OTUD7B: variants seen among roughly 807,000 people sequenced by gnomAD.
OTUD7B encodes the protein OTU deubiquitinase 7B.
Under a neutral mutation model 82.2 loss-of-function variants are expected in OTUD7B, and 34 were observed. The ratio of observed to expected loss-of-function variants is 0.41; its 90% CI spans 0.31 to 0.55. The LOEUF is 0.55. Among genes scored for constraint, OTUD7B ranks in the 20% least tolerant of loss-of-function variants. The probability of loss-of-function intolerance (pLI) is 0.20; values close to 1 mark genes in which losing one functional copy is unlikely to be tolerated. For synonymous variants in OTUD7B, 398 were observed against 402.7 expected (o/e 0.99, Z 0.14); for missense variants, 944 against 1,062.1 (o/e 0.89, Z 1.55).
At chr1:150,056,728 T>A in the OTUD7B span, among the ~76,000 whole-genome samples, 2 of 152,146 alleles carry the variant, frequency 1.3e-5, no homozygotes, top group East Asian at 3.8e-4. Flanking sequence ...TAAATATCCA[T>A]GAGTCTATAA....
chr1:149,992,467 G>GT (rs1166098299), intron 1 of OTUD7B, among the ~76,000 whole-genome samples: 1,044 of 61,530 alleles, frequency 0.017, 310 homozygotes, highest in African/African-American at 0.064. Context: ...GTGTGCATGT[G>GT]TTTTTTTTTT....
At chr1:150,061,864 A>G in the OTUD7B span, among the ~76,000 whole-genome samples, 1 of 152,212 alleles carries the variant, frequency 6.6e-6, no homozygotes, top group South Asian at 2.1e-4. Flanking sequence ...ACTTGATGCA[A>G]TTGCAGAAAT....
intron 1 of OTUD7B, among the ~76,000 whole-genome samples, chr1:149,996,997 A>T (rs1301483648): frequency 6.6e-6 from 1 of 152,210 alleles, no homozygotes; most frequent in African/African-American, 2.4e-5. Context: ...GAAAACATTT[A>T]AAAATGCTTA....
At chr1:149,958,460 TG>T (rs1322514921) in intron 7 of OTUD7B, among the ~76,000 whole-genome samples, 9 of 150,306 alleles carry the variant, frequency 6.0e-5, no homozygotes, top group Admixed American at 1.3e-4. Context: ...CTCGAGTAGC[TG>T]GGATTACAGC....
chr1:150,051,480 C>T, the OTUD7B span, among the ~76,000 whole-genome samples: 25 of 151,888 alleles, frequency 1.6e-4, no homozygotes, highest in Non-Finnish European at 2.8e-4. Flanking sequence ...TAATAAATGA[C>T]ATGTTATTTA....
chr1:150,039,924 T>G, the OTUD7B span, among the ~76,000 whole-genome samples: 2 of 152,252 alleles, frequency 1.3e-5, no homozygotes. Flanking sequence ...TTACCTCTAT[T>G]GCCTGTGTAT....
chr1:150,040,909 C>T, the OTUD7B span, among the ~76,000 whole-genome samples: 1 of 151,976 alleles, frequency 6.6e-6, no homozygotes, highest in Non-Finnish European at 1.5e-5. Context: ...AGGGTTTCGC[C>T]ATGTTGACCA....
chr1:149,971,623 G>A (rs1649945600), intron 2 of OTUD7B, among the ~76,000 whole-genome samples: 1 of 152,062 alleles, frequency 6.6e-6, no homozygotes, highest in Non-Finnish European at 1.5e-5. Context: ...TCAGGCCCAG[G>A]TCTCCTAATT....
chr1:150,029,940 G>T, the OTUD7B span, among the ~76,000 whole-genome samples: 1 of 152,028 alleles, frequency 6.6e-6, no homozygotes, highest in African/African-American at 2.4e-5. Flanking sequence ...AGTCTATCTA[G>T]AAGAGCCCAG....
the OTUD7B span, among the ~76,000 whole-genome samples, chr1:150,037,993 T>C: frequency 1.3e-5 from 2 of 151,712 alleles, no homozygotes; most frequent in African/African-American, 4.8e-5. Context: ...TCCCAAGTAG[T>C]TGGGACTACA....
chr1:149,960,919 CCTT>C (rs1649107037), intron 6 of OTUD7B: 2 of 116,388 alleles, frequency 1.7e-5, no homozygotes, highest in Admixed American at 2.4e-4. Flanking sequence ...CACCTGGATA[CCTT>C]CTTTTTTTTT....
At position 149,990,991 on chromosome 1, in the gene OTUD7B, C is replaced by CAAA. The variant is rs782744105; in HGVS notation, c.-66-13418_-66-13416dup. On this transcript the variant is annotated intron_variant, in intron 1 of 11. Transcript: ENST00000581312. ...GGGCAACAAGAGCGAAACTCCGTCG[C>CAAA]AAAAAAAAAAAAGTTTACAAAGCTT... 2.0e-5 allele frequency among the ~76,000 whole-genome samples: 3 copies of CAAA among 146,618 alleles called. No homozygotes were observed. In the Admixed American group the frequency reaches 2.1e-4, roughly 10 times the overall value.
chr1:149,955,022 G>A (rs1263171186), intron 7 of OTUD7B, among the ~76,000 whole-genome samples: 1 of 152,108 alleles, frequency 6.6e-6, no homozygotes, highest in Non-Finnish European at 1.5e-5. Flanking sequence ...TTTTTGAAGG[G>A]TTTTTTGTGT....
intron 3 of OTUD7B, among the ~76,000 whole-genome samples, chr1:149,970,670 T>C (rs1337957372): frequency 1.3e-5 from 2 of 152,180 alleles, no homozygotes; most frequent in African/African-American, 4.8e-5. Context: ...ATATGATAAA[T>C]TGCTAGATAT....
chr1:150,052,834 A>AAC, the OTUD7B span, among the ~76,000 whole-genome samples: 14 of 151,476 alleles, frequency 9.2e-5, 1 homozygote, highest in South Asian at 2.5e-3. Context: ...AAAAAAAAAA[A>AAC]CAGGCACATA....
chr1:149,982,148 C>CTAAATAAATAAA (rs587666436), intron 1 of OTUD7B, among the ~76,000 whole-genome samples: 70 of 150,872 alleles, frequency 4.6e-4, no homozygotes, highest in African/African-American at 1.6e-3. Context: ...GACTCCATCT[C>CTAAATAAATAAA]TAAATAAATA....
At chr1:149,997,286 A>G (rs1406843086) in intron 1 of OTUD7B, among the ~76,000 whole-genome samples, 1 of 152,254 alleles carries the variant, frequency 6.6e-6, no homozygotes, top group African/African-American at 2.4e-5. Flanking sequence ...GCAAATACAA[A>G]AGATCTAAGG....
chr1:150,017,676 G>A, the OTUD7B span, among the ~76,000 whole-genome samples: 4 of 152,210 alleles, frequency 2.6e-5, no homozygotes, highest in Admixed American at 2.6e-4. Context: ...CACTAGGAGG[G>A]AGGCCAAACT....
chr1:150,063,167 C>G, the OTUD7B span, among the ~76,000 whole-genome samples: 3 of 152,056 alleles, frequency 2.0e-5, no homozygotes, highest in African/African-American at 4.8e-5. Context: ...AGAAATGGTT[C>G]TAGGCTAGGC....
Sources: allele counts gnomAD v4.1 joint callset (sites outside exome capture counted in the v4.1 genomes callset), GRCh38; gene constraint gnomAD v4.1.1; transcripts MANE v1.5; gene names NCBI Gene and HGNC (gene_info 2026-07-23, HGNC 2026-07-21).